Variants in F13A1 observed in about 807,000 individuals in gnomAD.
F13A1 encodes coagulation factor XIII A chain.
In F13A1, 47 loss-of-function variants were observed where a neutral mutation model predicts 80.1. The observed-to-expected ratio is 0.59, with a 90% CI of 0.46 to 0.75. The LOEUF is 0.75. Among genes scored for constraint, F13A1 ranks in the 30% least tolerant of loss-of-function variants. The pLI, the probability that F13A1 is intolerant of heterozygous loss-of-function variation, is 0.00. For synonymous variants in F13A1, 349 were observed against 344.9 expected (o/e 1.01, Z -0.13); for missense variants, 817 against 930.4 (o/e 0.88, Z 1.59).
intron 13 of F13A1, 143 bp downstream of exon 13, chr6:6,167,315 T>C (rs1333485405): frequency 4.2e-6 from 4 of 962,352 alleles, no homozygotes; most frequent in African/African-American, 1.8e-5. Context: ...AAGAGGATCC[T>C]AGCACTGGTA....
chr6:6,238,756 T>C (rs923231143), intron 6 of F13A1, among the ~76,000 whole-genome samples: 1 of 144,770 alleles, frequency 6.9e-6, no homozygotes, highest in African/African-American at 2.8e-5. Flanking sequence ...TATTAAAAGA[T>C]GCTCAAAATC....
At chr6:6,297,927 C>G (rs1434851951) in intron 3 of F13A1, among the ~76,000 whole-genome samples, 1 of 149,814 alleles carries the variant, frequency 6.7e-6, no homozygotes, top group South Asian at 2.1e-4. Context: ...GAATGCGTCC[C>G]TGAGATTCTG....
Position 6,304,747 on chromosome 6 carries a change from C to T in F13A1, c.319+604G>A, listed in dbSNP as rs55641926. Among the ~76,000 whole-genome samples the T allele has an allele frequency of 9.8e-3, 1,489 of 151,668 alleles. 12 individuals carry two copies. Among genetic ancestry groups the T allele is most frequent in the Non-Finnish European group, 0.016 (1,060 of 67,982 alleles). ...GCGTAATGGTGTGCAACTGTGGTCC[C>T]AGCTACTCTGGAGGCTGAGGCACCA... On this transcript the variant is annotated intron_variant, in intron 3 of 14. Coordinates refer to ENST00000264870, the MANE Select transcript of F13A1 (RefSeq NM_000129.4).
At chr6:6,241,240 A>C (rs1757480224) in intron 6 of F13A1, among the ~76,000 whole-genome samples, 2 of 152,222 alleles carry the variant, frequency 1.3e-5, no homozygotes, top group Admixed American at 1.3e-4. Context: ...GGCAGTGGTC[A>C]CCACCTGGGG....
Position 6,194,379 on chromosome 6 carries a change from A to T in F13A1, c.1305+1418T>A, listed in dbSNP as rs183419501. 2.0e-3 allele frequency among the ~76,000 whole-genome samples: 304 copies of T among 152,248 alleles called. 8 individuals carry two copies. Among genetic ancestry groups the T allele is most frequent in the South Asian group, 0.019 (92 of 4,814 alleles). On this transcript the variant is annotated intron_variant, in intron 10 of 14. Coordinates refer to ENST00000264870, the MANE Select transcript of F13A1 (RefSeq NM_000129.4). ...TCAACTGCCCCCACAAAGCTTTCAG[A>T]TGCTCAACTCATCCCCCTGCTTTGC...
chr6:6,158,075 G>C (rs3024453), intron 13 of F13A1, among the ~76,000 whole-genome samples: 11 of 152,148 alleles, frequency 7.2e-5, no homozygotes, highest in African/African-American at 2.7e-4. Flanking sequence ...ACGAGGGGAT[G>C]GAGAGTCAGC....
chr6:6,151,895 T>G lies in F13A1; in HGVS notation c.1963A>C (p.Asn655His). The change falls in exon 14 of 15, where the codon AAT becomes CAT. Residue 655 changes from asparagine (N) to histidine (H), a missense_variant. Coordinates refer to ENST00000264870, the MANE Select transcript of F13A1 (RefSeq NM_000129.4). ...SDMTVTVEFT[N>H]PLKETLRNVW... ...TTTCGCAGGGTTTCTTTTAAAGGAT[T>G]GGTAAACTCAACTGTCACAGTCATG... 1.2e-6 allele frequency: 2 copies of G among 1,614,092 alleles called. No homozygotes were observed. Among genetic ancestry groups the G allele is most frequent in the Non-Finnish European group, 1.7e-6 (2 of 1,179,992 alleles).
At chr6:6,165,961 G>C (rs1247218552) in intron 13 of F13A1, among the ~76,000 whole-genome samples, 1 of 152,280 alleles carries the variant, frequency 6.6e-6, no homozygotes, top group Non-Finnish European at 1.5e-5. Context: ...AGAAGGGCCT[G>C]GTGTTCTGCT....
chr6:6,291,060 G>A (rs1020686442), intron 3 of F13A1, among the ~76,000 whole-genome samples: 2 of 150,948 alleles, frequency 1.3e-5, no homozygotes, highest in African/African-American at 5.0e-5. Context: ...GTTTTCAGAT[G>A]TAAGGGTACT....
intron 10 of F13A1, among the ~76,000 whole-genome samples, chr6:6,182,746 G>A (rs1354226647): frequency 6.6e-6 from 1 of 152,104 alleles, no homozygotes; most frequent in Non-Finnish European, 1.5e-5. Flanking sequence ...AGGCGTTTGG[G>A]GATTTGGGGG....
intron 3 of F13A1, among the ~76,000 whole-genome samples, chr6:6,267,938 G>T (rs893745410): frequency 3.3e-5 from 5 of 152,102 alleles, no homozygotes; most frequent in African/African-American, 1.2e-4. Context: ...CTTTTGTTGG[G>T]AACATGGAAA....
intron 3 of F13A1, 95 bp from the exon 4 acceptor site, chr6:6,266,904 T>C (rs1757853484): frequency 6.6e-7 from 1 of 1,521,824 alleles, no homozygotes; most frequent in Non-Finnish European, 9.1e-7. Flanking sequence ...ACAGGAGTAA[T>C]CCATTAGAAT....
At chr6:6,216,578 A>G (rs1334769317) in intron 8 of F13A1, among the ~76,000 whole-genome samples, 1 of 149,880 alleles carries the variant, frequency 6.7e-6, no homozygotes, top group East Asian at 1.9e-4. Flanking sequence ...AAAACCCTAG[A>G]AGAAAACCTA....
At chr6:6,175,223 G>T (rs1760861361) in intron 11 of F13A1, among the ~76,000 whole-genome samples, 1 of 152,166 alleles carries the variant, frequency 6.6e-6, no homozygotes, top group Non-Finnish European at 1.5e-5. Flanking sequence ...CCAGCCATGT[G>T]GCTAGAATTT....
intron 10 of F13A1, among the ~76,000 whole-genome samples, chr6:6,184,557 G>A (rs1005907467): frequency 6.6e-6 from 1 of 152,238 alleles, no homozygotes; most frequent in Admixed American, 6.5e-5. Flanking sequence ...CATTTTGGAA[G>A]CTTTAAATGA....
chr6:6,158,987 T>C (rs938986491), intron 13 of F13A1, among the ~76,000 whole-genome samples: 23 of 150,940 alleles, frequency 1.5e-4, no homozygotes, highest in African/African-American at 5.4e-4. Flanking sequence ...CTGCAAGCTC[T>C]GCCTCCCAGG....
intron 4 of F13A1, among the ~76,000 whole-genome samples, chr6:6,266,265 T>C (rs1185449424): frequency 6.6e-6 from 1 of 152,220 alleles, no homozygotes; most frequent in Non-Finnish European, 1.5e-5. Context: ...GGAGTCTTGC[T>C]CTGTTGCCCA....
At chr6:6,266,401 T>C (rs947694181) in intron 4 of F13A1, among the ~76,000 whole-genome samples, 157 bp downstream of exon 4, 1 of 152,084 alleles carries the variant, frequency 6.6e-6, no homozygotes, top group African/African-American at 2.4e-5. Context: ...CCATCTAATT[T>C]TTAATTTTTA....
chr6:6,266,795 C>T lies in F13A1; in HGVS notation c.334G>A (p.Glu112Lys). The T allele has an allele frequency of 1.9e-6, 3 of 1,614,150 alleles. No individual in the cohort carries two copies. Among genetic ancestry groups the T allele is most frequent in the Non-Finnish European group, 2.5e-6 (3 of 1,180,020 alleles). The change falls in exon 4 of 15, where the codon GAG becomes AAG. Residue 112 changes from glutamate to lysine, a missense_variant. By Grantham distance (56) the Glu-to-Lys change is moderately conservative. Transcript: ENST00000264870. ...ACTGGGATGTAGGTTCCCTTGTTCT[C>T]CTGTGGGTAGCGACCTATGAGAAGA... Reference protein sequence around the residue: ...VEYVIGRYPQENKGTYIPVPI... With the variant: ...VEYVIGRYPQKNKGTYIPVPI...
Sources: gnomAD v4.1 joint callset for allele counts (sites outside exome capture counted in the v4.1 genomes callset) on GRCh38, gnomAD v4.1.1 for gene constraint, MANE v1.5 for transcripts, NCBI Gene and HGNC (gene_info 2026-07-23, HGNC 2026-07-21) for gene names.